Variants in RBM18 observed in about 807,000 individuals in gnomAD.
The protein encoded by RBM18 is RNA binding motif protein 18, also known as probable RNA-binding protein 18.
RBM18 carries 18 observed loss-of-function variants against 26.4 expected under a neutral mutation model. The observed-to-expected ratio is 0.68, with a 90% CI of 0.47 to 1.01. RBM18 has a LOEUF of 1.01. RBM18 is among the 50% of genes least tolerant of loss of function. The pLI is 0.00. For missense variants in RBM18, 180 were observed against 219.2 expected (o/e 0.82, Z 1.13); for synonymous variants, 74 against 81.1 (o/e 0.91, Z 0.47).
At chr9:122,263,955 G>C (rs775075438) in intron 1 of RBM18, among the ~76,000 whole-genome samples, 3 of 152,154 alleles carry the variant, frequency 2.0e-5, no homozygotes, top group Non-Finnish European at 4.4e-5. Context: ...AGAGTTCCTT[G>C]TTATTCTATA....
At chr9:122,254,795 G>A (rs891128225) in intron 2 of RBM18, among the ~76,000 whole-genome samples, 2 of 152,220 alleles carry the variant, frequency 1.3e-5, no homozygotes, top group Admixed American at 6.5e-5. Flanking sequence ...TTAAGACAGA[G>A]AGAGATGTAA....
intron 5 of RBM18, among the ~76,000 whole-genome samples, chr9:122,244,130 T>C (rs1255635225): frequency 7.6e-6 from 1 of 131,928 alleles, no homozygotes; most frequent in Non-Finnish European, 1.6e-5. Context: ...CTTAATTCCC[T>C]AGAGCACGAA....
chr9:122,252,434 GCAAACAAA>G (rs199695380), intron 2 of RBM18, among the ~76,000 whole-genome samples: 18 of 152,068 alleles, frequency 1.2e-4, no homozygotes, highest in East Asian at 9.6e-4. Flanking sequence ...ATGCATTCAT[GCAAACAAA>G]CAAACAAACA....
chr9:122,244,312 C>T (rs768051741), intron 5 of RBM18, among the ~76,000 whole-genome samples: 2 of 151,962 alleles, frequency 1.3e-5, no homozygotes, highest in Non-Finnish European at 2.9e-5. Context: ...CATTTATTTC[C>T]CCTGCTTGGT....
chr9:122,254,504 GCA>G (rs1284980448), intron 2 of RBM18: 1 of 153,014 alleles, frequency 6.5e-6, no homozygotes, highest in Admixed American at 6.5e-5. Context: ...GTGCGGGAGA[GCA>G]CACTACTCAG....
At chr9:122,242,663 GT>G (rs71923495) in intron 5 of RBM18, among the ~76,000 whole-genome samples, 48,074 of 146,466 alleles carry the variant, frequency 0.33, 8,789 homozygotes, top group South Asian at 0.49. Context: ...TACTTATACT[GT>G]TTTTTTTTTT....
intron 2 of RBM18, among the ~76,000 whole-genome samples, chr9:122,256,990 A>G (rs939828485): frequency 6.6e-6 from 1 of 152,226 alleles, no homozygotes; most frequent in Non-Finnish European, 1.5e-5. Context: ...ACAAGAATGC[A>G]TCATCACTCC....
In RBM18 at chr9:122,241,791, T is replaced by C; in HGVS notation, c.*93A>G. On this transcript the variant is annotated 3_prime_UTR_variant, in exon 6 of 6. Coordinates refer to ENST00000417201, the MANE Select transcript of RBM18 (RefSeq NM_033117.4). ...ATGCTAACATGTGATTGTGCTCCGT[T>C]GAATAGTACCATTCACATCTACAAA... 1.9e-6 allele frequency: 2 copies of C among 1,054,324 alleles called. No homozygotes were observed. Among genetic ancestry groups the C allele is most frequent in the Non-Finnish European group, 2.8e-6 (2 of 712,600 alleles). 65.3% of individuals were successfully genotyped at this position (1,054,324 alleles called of 1,614,324 possible).
rs1831792404 is a variant in RBM18, at chr9:122,261,400, G to A, written c.93C>T (p.Asn31=). The change falls in exon 2 of 6, where the codon AAC becomes AAT. Residue 31 remains asparagine (N), a synonymous_variant. Transcript: ENST00000417201. ...CTTACTCGGTAATTTTGGGGTCCAG[G>A]TTGCCAATCCATAATCGGTGTCCTT... ...LQEGHRLWIG[N]LDPKITEYHL... The A allele has an allele frequency of 4.3e-6, 7 of 1,613,512 alleles. No homozygotes were observed. Among genetic ancestry groups the A allele is most frequent in the Non-Finnish European group, 5.1e-6 (6 of 1,179,418 alleles).
intron 2 of RBM18, among the ~76,000 whole-genome samples, chr9:122,253,203 T>G (rs771811408): frequency 2.6e-5 from 4 of 152,236 alleles, no homozygotes; most frequent in Non-Finnish European, 5.9e-5. Flanking sequence ...ATCAAAATTT[T>G]ATTCTTGAGC....
At chr9:122,257,075 G>T (rs1023012482) in intron 2 of RBM18, among the ~76,000 whole-genome samples, 2 of 152,124 alleles carry the variant, frequency 1.3e-5, no homozygotes, top group African/African-American at 2.4e-5. Flanking sequence ...AAAATGGTCA[G>T]TATTTTTTTG....
intron 2 of RBM18, among the ~76,000 whole-genome samples, chr9:122,259,007 G>C (rs1205240947): frequency 1.3e-5 from 2 of 151,910 alleles, no homozygotes; most frequent in African/African-American, 4.8e-5. Flanking sequence ...GCCAGCCACA[G>C]GGAAAGCCCA....
intron 5 of RBM18, chr9:122,243,779 C>A: frequency 1.0e-6 from 1 of 985,304 alleles, no homozygotes; most frequent in Non-Finnish European, 1.2e-6. Flanking sequence ...ATTAATGCCA[C>A]AGCTGGTCAC....
chr9:122,242,635 G>A (rs887388621), intron 5 of RBM18, among the ~76,000 whole-genome samples: 42 of 150,020 alleles, frequency 2.8e-4, no homozygotes, highest in African/African-American at 1.0e-3. Context: ...CTTACAATGA[G>A]CCAGGCACAG....
intron 2 of RBM18, among the ~76,000 whole-genome samples, chr9:122,258,904 C>A: frequency 1.3e-5 from 1 of 76,344 alleles, no homozygotes; most frequent in Admixed American, 2.0e-4. Flanking sequence ...GGTGACAGAG[C>A]TGTCAAAAAA....
At chr9:122,251,790 C>T in intron 3 of RBM18, 57 bp downstream of exon 3, 2 of 1,547,186 alleles carry the variant, frequency 1.3e-6, no homozygotes, top group Admixed American at 1.7e-5. Context: ...GAGACATGCA[C>T]AAATAATTAT....
At chr9:122,256,038 AAACAACAAC>A (rs3048199) in intron 2 of RBM18, among the ~76,000 whole-genome samples, 51 of 151,706 alleles carry the variant, frequency 3.4e-4, no homozygotes, top group African/African-American at 9.9e-4. Flanking sequence ...CTCAAAAAGA[AAACAACAAC>A]AACAACAACA....
intron 2 of RBM18, among the ~76,000 whole-genome samples, chr9:122,253,867 A>C (rs754335131): frequency 1.3e-5 from 2 of 151,946 alleles, no homozygotes; most frequent in Non-Finnish European, 2.9e-5. Context: ...CTCTACTAAA[A>C]ATACAAAAAA....
chr9:122,249,327 A>G (rs1831559657), intron 3 of RBM18, among the ~76,000 whole-genome samples: 1 of 152,230 alleles, frequency 6.6e-6, no homozygotes, highest in Admixed American at 6.5e-5. Flanking sequence ...AATAAATAAA[A>G]GAGCCAGAAA....
Sources: gnomAD v4.1 joint callset for allele counts (sites outside exome capture counted in the v4.1 genomes callset) on GRCh38, gnomAD v4.1.1 for gene constraint, MANE v1.5 for transcripts, NCBI Gene and HGNC (gene_info 2026-07-23, HGNC 2026-07-21) for gene names.